FRRS1: variants seen among roughly 807,000 people sequenced by gnomAD.
FRRS1 encodes the protein ferric chelate reductase 1.
In FRRS1, 51 loss-of-function variants were observed where a neutral mutation model predicts 70.7. The ratio of observed to expected loss-of-function variants is 0.72; its 90% CI spans 0.58 to 0.91. The LOEUF is 0.91. Among genes scored for constraint, FRRS1 ranks in the 40% least tolerant of loss-of-function variants. The pLI is 0.00. For synonymous variants in FRRS1, 225 were observed against 238.7 expected (o/e 0.94, Z 0.53); for missense variants, 672 against 726.0 (o/e 0.93, Z 0.86).
At position 99,707,197 on chromosome 1, in the gene FRRS1, C is replaced by T. The variant is rs1487146182; in HGVS notation, c.*1831G>A. On this transcript the variant is annotated 3_prime_UTR_variant, in exon 17 of 17. Coordinates refer to ENST00000646001, the MANE Select transcript of FRRS1 (RefSeq NM_001361041.2). ...TATTTTACCCAGTAAAAGATGTAGG[C>T]TATTAGTAGAAAGTTGGTTAAGTAA... Among the ~76,000 whole-genome samples the T allele has an allele frequency of 1.3e-5, 2 of 151,304 alleles. No individual in the cohort carries two copies. Among genetic ancestry groups the T allele is most frequent in the African/African-American group, 4.9e-5 (2 of 41,188 alleles).
chr1:99,762,902 A>G (rs1025205024), intron 1 of FRRS1, among the ~76,000 whole-genome samples: 1 of 152,120 alleles, frequency 6.6e-6, no homozygotes, highest in Non-Finnish European at 1.5e-5. Context: ...ACATTTGTCT[A>G]GTGTTTTCCT....
chr1:99,725,672 A>G (rs1030119224), intron 9 of FRRS1, among the ~76,000 whole-genome samples: 11 of 152,216 alleles, frequency 7.2e-5, no homozygotes, highest in African/African-American at 2.7e-4. Context: ...TCAGCCGGCA[A>G]GGGAGGGGGA....
At chr1:99,732,269 T>C (rs2100945776) in intron 7 of FRRS1, among the ~76,000 whole-genome samples, 1 of 152,192 alleles carries the variant, frequency 6.6e-6, no homozygotes, top group African/African-American at 2.4e-5. Flanking sequence ...AAGTACACCC[T>C]ATAAGAACTT....
chr1:99,714,227 A>G (rs1281443996), intron 12 of FRRS1, among the ~76,000 whole-genome samples: 1 of 150,008 alleles, frequency 6.7e-6, no homozygotes, highest in East Asian at 1.9e-4. Flanking sequence ...TCTGTCACCC[A>G]AGCTGGAGTG....
chr1:99,756,017 A>G (rs1431699396), intron 1 of FRRS1, among the ~76,000 whole-genome samples: 2 of 152,240 alleles, frequency 1.3e-5, no homozygotes, highest in Non-Finnish European at 1.5e-5. Flanking sequence ...AAACTAATAC[A>G]TAAATTCATT....
intron 7 of FRRS1, among the ~76,000 whole-genome samples, chr1:99,732,175 C>G (rs150501668): frequency 1.3e-5 from 2 of 152,326 alleles, no homozygotes; most frequent in East Asian, 3.9e-4. Context: ...TCAGTTCTCA[C>G]TATTCCAAAT....
chr1:99,759,214 T>A (rs1206516868), intron 1 of FRRS1, among the ~76,000 whole-genome samples: 1 of 152,146 alleles, frequency 6.6e-6, no homozygotes, highest in Non-Finnish European at 1.5e-5. Flanking sequence ...CCCCCTCCCC[T>A]TTTGAAACCC....
At chr1:99,730,663 C>T (rs546464557) in intron 7 of FRRS1, among the ~76,000 whole-genome samples, 11 of 152,104 alleles carry the variant, frequency 7.2e-5, no homozygotes, top group Non-Finnish European at 1.0e-4. Flanking sequence ...GTCAGGAGAT[C>T]CAGACCATCC....
intron 7 of FRRS1, among the ~76,000 whole-genome samples, chr1:99,732,981 C>G (rs1029797073): frequency 9.2e-5 from 14 of 151,782 alleles, no homozygotes; most frequent in Non-Finnish European, 1.9e-4. Context: ...GTATCTGGAA[C>G]CACAGCTGCA....
At chr1:99,723,265 A>C (rs1268928797) in intron 9 of FRRS1, among the ~76,000 whole-genome samples, 1 of 152,208 alleles carries the variant, frequency 6.6e-6, no homozygotes, top group Non-Finnish European at 1.5e-5. Context: ...TCACAACCCC[A>C]ACAGGATTTT....
chr1:99,744,969 CAAAAAAAAAAAAAAAAA>C (rs71075450), intron 4 of FRRS1, among the ~76,000 whole-genome samples: 2 of 91,746 alleles, frequency 2.2e-5, no homozygotes, highest in Non-Finnish European at 4.3e-5. Context: ...GACTCCGTCT[CAAAAAAAAAAAAAAAAA>C]AAAAAAAAAA....
chr1:99,755,281 C>T (rs1381652397), intron 1 of FRRS1, among the ~76,000 whole-genome samples: 1 of 143,878 alleles, frequency 7.0e-6, no homozygotes, highest in African/African-American at 2.7e-5. Context: ...AAAAAATTAG[C>T]CAGGCACAGT....
At chr1:99,757,227 C>T (rs1472345122) in intron 1 of FRRS1, among the ~76,000 whole-genome samples, 1 of 151,872 alleles carries the variant, frequency 6.6e-6, no homozygotes, top group Non-Finnish European at 1.5e-5. Flanking sequence ...TTTCCTATTT[C>T]TTCCTTTTTT....
chr1:99,705,152 G>A lies in FRRS1; in HGVS notation c.*3876C>T, dbSNP rs561294170. ...CACCCCTAGACATTGCTGTGGGGTCGGAGCCCCACAGCCTGCCCATCTGTA... is the reference window on the plus strand; with the variant it reads ...CACCCCTAGACATTGCTGTGGGGTCAGAGCCCCACAGCCTGCCCATCTGTA... On this transcript the variant is annotated 3_prime_UTR_variant, in exon 17 of 17. Coordinates refer to ENST00000646001, the MANE Select transcript of FRRS1 (RefSeq NM_001361041.2). 3.3e-5 allele frequency among the ~76,000 whole-genome samples: 5 copies of A among 152,290 alleles called. No homozygotes were observed. In the South Asian group the frequency reaches 6.2e-4, roughly 19 times the overall value.
At chr1:99,736,457 T>C (rs905645276) in intron 7 of FRRS1, among the ~76,000 whole-genome samples, 1 of 152,134 alleles carries the variant, frequency 6.6e-6, no homozygotes, top group African/African-American at 2.4e-5. Flanking sequence ...TAGTGAAATA[T>C]GTAGGTCATA....
At position 99,715,588 on chromosome 1, in the gene FRRS1, T is replaced by A. The variant is rs1654478963; in HGVS notation, c.1321A>T (p.Arg441Trp). 6.3e-7 allele frequency: 1 copy of A among 1,592,496 alleles called. No individual in the cohort carries two copies. The highest frequency in any genetic ancestry group is 1.7e-5 in the Admixed American group (1 of 59,944). ...MPFIYRGGWS[R>W]HAGYHPYLGC... ...AACCCTATTTAAGATATACTTACCC[T>A]ACTCCAGCCTCCCCTGTATATAAAC... The change falls in exon 12 of 17, where the codon AGG becomes TGG. Residue 441 changes from arginine (R) to tryptophan (W), a missense_variant and splice_region_variant. Transcript: ENST00000646001.
rs1394508650 is a variant in FRRS1, at chr1:99,708,744, C to T, written c.*284G>A. On this transcript the variant is annotated 3_prime_UTR_variant, in exon 17 of 17. Transcript: ENST00000646001. ...ATTTATTTTCTTAAATACCAACATT[C>T]TTAAAATCTTGGCATGAAATATTTG... The T allele has an allele frequency of 2.0e-6, 1 of 511,106 alleles. No homozygotes were observed. Among genetic ancestry groups the T allele is most frequent in the Non-Finnish European group, 3.4e-6 (1 of 295,142 alleles). The allele number at this position is 511,106 out of a possible 1,614,324, so 31.7% of individuals were successfully genotyped here.
At chr1:99,717,653 T>A in intron 10 of FRRS1, 128 bp from the exon 11 acceptor site, 1 of 652,066 alleles carries the variant, frequency 1.5e-6, no homozygotes, top group Admixed American at 2.6e-5. Context: ...AAGTACAACC[T>A]AAAAAGATGC....
Position 99,706,317 on chromosome 1 carries a change from G to C in FRRS1, c.*2711C>G, listed in dbSNP as rs903278631. Among the ~76,000 whole-genome samples, 5 of 151,600 alleles carry C rather than the reference G, an allele frequency of 3.3e-5. No homozygotes were observed. Among genetic ancestry groups the C allele is most frequent in the African/African-American group, 7.3e-5 (3 of 41,228 alleles). ...CCAGCTACTCTGGAGGCTGCAGTGGGAGGATCACTAAAGCCCAAGAGGTCA... is the reference window on the plus strand; with the variant it reads ...CCAGCTACTCTGGAGGCTGCAGTGGCAGGATCACTAAAGCCCAAGAGGTCA... On this transcript the variant is annotated 3_prime_UTR_variant, in exon 17 of 17. Coordinates refer to ENST00000646001, the MANE Select transcript of FRRS1 (RefSeq NM_001361041.2).
Sources: allele counts gnomAD v4.1 joint callset (sites outside exome capture counted in the v4.1 genomes callset), GRCh38; gene constraint gnomAD v4.1.1; transcripts MANE v1.5; gene names NCBI Gene and HGNC (gene_info 2026-07-23, HGNC 2026-07-21).